ADTRP: variants seen among roughly 807,000 people sequenced by gnomAD.
ADTRP encodes the protein androgen-dependent TFPI-regulating protein.
In ADTRP, 20 loss-of-function variants were observed where a neutral mutation model predicts 27.0. The ratio of observed to expected loss-of-function variants is 0.74; its 90% confidence interval spans 0.52 to 1.08. The LOEUF (loss-of-function observed/expected upper bound fraction) is 1.08. Ranked by LOEUF, ADTRP falls within the 50% of genes least tolerant of loss-of-function variation. The pLI is 0.00. For synonymous variants in ADTRP, 101 were observed against 105.2 expected (o/e 0.96, Z 0.25); for missense variants, 251 against 275.0 (o/e 0.91, Z 0.62).
intron 3 of ADTRP, among the ~76,000 whole-genome samples, chr6:11,752,747 C>A (rs1055299035): frequency 2.6e-5 from 4 of 152,232 alleles, no homozygotes; most frequent in Non-Finnish European, 5.9e-5. Context: ...ATAATGGATT[C>A]TCTTCCTCCA....
chr6:11,729,058 T>C (rs563489382), intron 4 of ADTRP, among the ~76,000 whole-genome samples: 50 of 152,276 alleles, frequency 3.3e-4, no homozygotes, highest in Non-Finnish European at 7.2e-4. Flanking sequence ...TTATCCTAAA[T>C]CTTAGAGCAT....
chr6:11,754,627 A>T (rs1763157623), intron 3 of ADTRP, among the ~76,000 whole-genome samples: 1 of 152,220 alleles, frequency 6.6e-6, no homozygotes, highest in African/African-American at 2.4e-5. Flanking sequence ...AGGAAGACAG[A>T]GGAATTGGAC....
chr6:11,760,719 A>C (rs1191567468), intron 3 of ADTRP, among the ~76,000 whole-genome samples: 2 of 152,230 alleles, frequency 1.3e-5, no homozygotes, highest in African/African-American at 4.8e-5. Flanking sequence ...CCACGTCTTG[A>C]CATCATTATC....
At chr6:11,758,263 G>T (rs1177418284) in intron 3 of ADTRP, among the ~76,000 whole-genome samples, 1 of 152,070 alleles carries the variant, frequency 6.6e-6, no homozygotes, top group Non-Finnish European at 1.5e-5. Context: ...GCCAAATGGT[G>T]CCCACTCTGT....
At chr6:11,771,613 G>C (rs1342947074) in intron 1 of ADTRP, among the ~76,000 whole-genome samples, 1 of 152,186 alleles carries the variant, frequency 6.6e-6, no homozygotes, top group African/African-American at 2.4e-5. Flanking sequence ...CAGACGGAGC[G>C]ATCAGGGGAG....
rs2113861083 is a variant in ADTRP at position 11,714,080 on chromosome 6, G to GT, written c.*397dup. 1 of 170,690 alleles carries GT rather than the reference G, an allele frequency of 5.9e-6. No individual in the cohort carries two copies. Among genetic ancestry groups the GT allele is most frequent in the African/African-American group, 2.4e-5 (1 of 41,716 alleles). The allele number at this position is 170,690 out of a possible 1,614,324, so 10.6% of individuals were successfully genotyped here. ...TAAGTAACCCTTTTGCCTTTTGCAGGTAACTTCTCATCTAGGTCCTCAGCA... is the reference window on the plus strand; with the variant it reads ...TAAGTAACCCTTTTGCCTTTTGCAGGTTAACTTCTCATCTAGGTCCTCAGCA... On this transcript the variant is annotated 3_prime_UTR_variant, in exon 6 of 6. Transcript: ENST00000414691.
chr6:11,768,831 C>A (rs1763658857), intron 1 of ADTRP, among the ~76,000 whole-genome samples: 1 of 151,900 alleles, frequency 6.6e-6, no homozygotes, highest in Admixed American at 6.6e-5. Context: ...ACTAGAGAAA[C>A]TGGAATCAGG....
rs1376927755 is a variant in ADTRP at position 11,717,410 on chromosome 6, A to C, written c.659-2898T>G. The C allele has an allele frequency of 6.9e-6, 9 of 1,304,078 alleles. No homozygotes were observed. In the African/African-American group the frequency reaches 1.2e-4, roughly 18 times the overall value. The allele number at this position is 1,304,078 out of a possible 1,614,324, so 80.8% of individuals were successfully genotyped here. A position where few individuals can be genotyped will look rare whatever the true frequency, so the allele number is the denominator to read the frequency against. ...GCCTCCATCTTTGCAAGATCTGAACAGAAACTGCAGGCATGGCCAAGAAAT... is the reference window on the plus strand; with the variant it reads ...GCCTCCATCTTTGCAAGATCTGAACCGAAACTGCAGGCATGGCCAAGAAAT... On this transcript the variant is annotated intron_variant, in intron 5 of 5. Transcript: ENST00000414691.
chr6:11,755,358 T>C (rs767439384), intron 3 of ADTRP, among the ~76,000 whole-genome samples: 19 of 152,120 alleles, frequency 1.2e-4, no homozygotes, highest in African/African-American at 1.7e-4. Context: ...TGAGCATACA[T>C]TGGAAGTTCT....
At chr6:11,757,283 A>T (rs1763244251) in intron 3 of ADTRP, among the ~76,000 whole-genome samples, 1 of 152,168 alleles carries the variant, frequency 6.6e-6, no homozygotes. Flanking sequence ...CATCTCTTAA[A>T]TCCCCCCAAT....
intron 4 of ADTRP, among the ~76,000 whole-genome samples, chr6:11,730,790 G>A (rs758659686): frequency 7.2e-5 from 11 of 152,242 alleles, no homozygotes; most frequent in Non-Finnish European, 1.5e-4. Flanking sequence ...TGCAGTGTTT[G>A]TACGGGGCAT....
chr6:11,760,329 C>T (rs758545118), intron 3 of ADTRP, among the ~76,000 whole-genome samples: 1 of 152,174 alleles, frequency 6.6e-6, no homozygotes, highest in African/African-American at 2.4e-5. Flanking sequence ...AAAGGTCTGA[C>T]TCGAGTCCTC....
intron 1 of ADTRP, among the ~76,000 whole-genome samples, chr6:11,773,379 G>C (rs1763849344): frequency 6.6e-6 from 1 of 152,200 alleles, no homozygotes; most frequent in Admixed American, 6.5e-5. Flanking sequence ...ACATCTATGA[G>C]AGGCAAAAAG....
At chr6:11,716,590 T>G (rs142237300) in intron 5 of ADTRP, among the ~76,000 whole-genome samples, 38 of 152,330 alleles carry the variant, frequency 2.5e-4, no homozygotes, top group African/African-American at 8.7e-4. Context: ...ATCATGTTTC[T>G]TTTTGCTTCT....
At chr6:11,718,668 C>T (rs186779826) in intron 5 of ADTRP, among the ~76,000 whole-genome samples, 35 of 152,302 alleles carry the variant, frequency 2.3e-4, no homozygotes, top group African/African-American at 8.2e-4. Flanking sequence ...CTAACTCCTC[C>T]CAAAAAGTAG....
chr6:11,718,608 A>G (rs1761910979), intron 5 of ADTRP, among the ~76,000 whole-genome samples: 1 of 152,186 alleles, frequency 6.6e-6, no homozygotes, highest in African/African-American at 2.4e-5. Context: ...GTCTTGCCAG[A>G]GACAGCTTCC....
chr6:11,753,455 C>T (rs1454770649), intron 3 of ADTRP, among the ~76,000 whole-genome samples: 7 of 152,142 alleles, frequency 4.6e-5, no homozygotes, highest in Admixed American at 4.6e-4. Flanking sequence ...ACAGGCAACT[C>T]AATCTTTCAG....
In ADTRP at chr6:11,720,567, T is replaced by G. The variant is rs1362241563; in HGVS notation, c.658+2782A>C. On this transcript the variant is annotated intron_variant, in intron 5 of 5. Coordinates refer to ENST00000414691, the MANE Select transcript of ADTRP (RefSeq NM_032744.4). ...GCTCACTGCAAGCTCCGCCTCCTGG[T>G]TTCATGCCATTCTCCTGCCTCAGCC... Among the ~76,000 whole-genome samples, 60 of 151,494 alleles carry G rather than the reference T, an allele frequency of 4.0e-4. 1 individual carries two copies. Among genetic ancestry groups the G allele is most frequent in the South Asian group, 1.5e-3 (7 of 4,778 alleles).
chr6:11,764,903 A>T (rs1043672257), intron 3 of ADTRP, among the ~76,000 whole-genome samples: 1 of 151,440 alleles, frequency 6.6e-6, no homozygotes, highest in African/African-American at 2.4e-5. Context: ...TTAAAAAAAA[A>T]AAAAAAAAAA....
Sources: allele counts gnomAD v4.1 joint callset (sites outside exome capture counted in the v4.1 genomes callset), GRCh38; gene constraint gnomAD v4.1.1; transcripts MANE v1.5; gene names NCBI Gene and HGNC (gene_info 2026-07-23, HGNC 2026-07-21).